USP50: variants seen among roughly 807,000 people sequenced by gnomAD.
USP50 encodes the protein ubiquitin carboxyl-terminal hydrolase 50.
In USP50, 37 loss-of-function variants were observed where a neutral mutation model predicts 39.2. That is an observed-to-expected ratio of 0.94 (90% CI 0.73 to 1.24). USP50 has a LOEUF of 1.24. Ranked by LOEUF, USP50 falls within the 50% of genes most tolerant of loss-of-function variation. USP50 has a pLI of 0.00. For missense variants in USP50, 374 were observed against 398.2 expected (o/e 0.94, Z 0.52); for synonymous variants, 139 against 144.5 (o/e 0.96, Z 0.27).
chr15:50,500,134 A>G (rs2052555966), downstream of USP50: 1 of 152,286 alleles, frequency 6.6e-6, no homozygotes, highest in Admixed American at 6.5e-5. Context: ...GACCACCATT[A>G]GCAGGCTCTC....
Position 50,500,829 on chromosome 15 carries a change from A to G in USP50, c.945T>C (p.Phe315=), listed in dbSNP as rs1436659861. 1.6e-5 allele frequency: 25 copies of G among 1,581,120 alleles called. No homozygotes were observed. Among genetic ancestry groups the G allele is most frequent in the Non-Finnish European group, 2.1e-5 (24 of 1,162,706 alleles). ...TGTAGTGGCCACCATCCAAATCACC[A>G]AAATGGTTCTATGGGAGAAAGGAAT... ...KYNLCAVVNH[F]GDLDGGHYTA... Residue 315 remains phenylalanine, a synonymous_variant, in exon 7 of 7, where the codon TTT becomes TTC. Coordinates refer to ENST00000532404, the MANE Select transcript of USP50 (RefSeq NM_203494.5).
In USP50 at chr15:50,500,816, C is replaced by T. The variant is rs1234258979; in HGVS notation, c.958G>A (p.Gly320Ser). 1 of 1,585,784 alleles carries T rather than the reference C, an allele frequency of 6.3e-7. No homozygotes were observed. ...AVVNHFGDLD[G>S]GHYTAFCKNS... ...TTGCAGAAAGCAGTGTAGTGGCCAC[C>T]ATCCAAATCACCAAAATGGTTCTAT... The change falls in exon 7 of 7, where the codon GGT becomes AGT. Residue 320 changes from glycine to serine, a missense_variant. Transcript: ENST00000532404.
chr15:50,531,082 T>G (rs1443423296), intron 5 of USP50, among the ~76,000 whole-genome samples: 1 of 152,168 alleles, frequency 6.6e-6, no homozygotes, highest in Non-Finnish European at 1.5e-5. Context: ...TATGTTCATT[T>G]TGGAAAAATG....
At chr15:50,533,693 C>T (rs2052958974) in intron 5 of USP50, among the ~76,000 whole-genome samples, 1 of 152,144 alleles carries the variant, frequency 6.6e-6, no homozygotes, top group East Asian at 1.9e-4. Context: ...TGCCAGTAGA[C>T]CTGCCTTGCA....
chr15:50,501,960 A>T (rs751959110), intron 6 of USP50: 4 of 152,218 alleles, frequency 2.6e-5, no homozygotes, highest in Non-Finnish European at 4.4e-5. Flanking sequence ...TACACTTTTC[A>T]GTGGCTGCTT....
chr15:50,527,681 G>A (rs920514783), intron 6 of USP50, among the ~76,000 whole-genome samples: 26 of 150,872 alleles, frequency 1.7e-4, no homozygotes, highest in African/African-American at 6.3e-4. Flanking sequence ...ACTCGCTCAG[G>A]CTAGAGTACA....
chr15:50,525,656 G>GTATATATATGTATAT (rs1212569675), intron 6 of USP50, among the ~76,000 whole-genome samples: 1 of 75,526 alleles, frequency 1.3e-5, no homozygotes, highest in African/African-American at 4.8e-5. Context: ...ATATGTATAT[G>GTATATATATGTATAT]TATATATGTA....
downstream of USP50, chr15:50,496,146 A>G (rs947896450): frequency 1.0e-5 from 14 of 1,339,058 alleles, no homozygotes; most frequent in Non-Finnish European, 1.2e-5. Context: ...TTATGGATAT[A>G]GAGATGTAAA....
At chr15:50,525,706 TG>T (rs1229866811) in intron 6 of USP50, among the ~76,000 whole-genome samples, 79 of 67,082 alleles carry the variant, frequency 1.2e-3, no homozygotes, top group East Asian at 4.9e-3. Flanking sequence ...TGTATATATA[TG>T]TATATATGTA....
intron 6 of USP50, chr15:50,501,515 T>A (rs2052588347): frequency 6.6e-6 from 1 of 151,888 alleles, no homozygotes; most frequent in Non-Finnish European, 1.5e-5. Flanking sequence ...TCTTTTTTTT[T>A]TTTTTAAAGT....
intron 5 of USP50, among the ~76,000 whole-genome samples, chr15:50,533,737 T>C (rs1357960215): frequency 1.3e-5 from 2 of 152,180 alleles, no homozygotes; most frequent in East Asian, 3.8e-4. Flanking sequence ...CGGTGGCTCA[T>C]GCCTGTAATC....
chr15:50,539,054 T>C (rs2053007107), intron 4 of USP50, among the ~76,000 whole-genome samples: 1 of 152,066 alleles, frequency 6.6e-6, no homozygotes, highest in African/African-American at 2.4e-5. Flanking sequence ...TTCTTGTTAC[T>C]GAGATGGATT....
chr15:50,493,505 C>T (rs907523111), downstream of USP50: 1 of 518,312 alleles, frequency 1.9e-6, no homozygotes, highest in African/African-American at 1.9e-5. Context: ...GTAATCCTAG[C>T]ACTTTGGGAG....
chr15:50,544,749 G>A lies in USP50; in HGVS notation c.86C>T (p.Pro29Leu). ...CTGGTTCCCATCAGCCTCCTTAACT[G>A]GAAGGGTATCATAGTAATCTGTGCA... ...AECTDYYDTL[P>L]VKEADGNQPH... The change falls in exon 2 of 7, where the codon CCA (proline) becomes CTA (leucine). Residue 29 changes from proline to leucine, a missense_variant. By Grantham distance (98) the Pro-to-Leu change is moderately conservative (BLOSUM62 -3). Coordinates refer to ENST00000532404, the MANE Select transcript of USP50 (RefSeq NM_203494.5). The A allele has an allele frequency of 6.2e-7, 1 of 1,613,992 alleles. No individual in the cohort carries two copies. The highest frequency in any genetic ancestry group is 8.5e-7 in the Non-Finnish European group (1 of 1,179,894).
At position 50,500,901 on chromosome 15, in the gene USP50, T is replaced by C. The variant is rs3803374; in HGVS notation, c.937-64A>G. 1.1e-5 allele frequency: 14 copies of C among 1,279,588 alleles called. No individual in the cohort carries two copies. In the East Asian group the frequency reaches 3.3e-4, roughly 30 times the overall value. The allele number at this position is 1,279,588 out of a possible 1,614,324, so 79.3% of individuals were successfully genotyped here. ...TGAACACTAACTACTGGAACAGAAATGATAGGGCCAAGAGATGCTTTTTAA... is the reference window on the plus strand; with the variant it reads ...TGAACACTAACTACTGGAACAGAAACGATAGGGCCAAGAGATGCTTTTTAA... On this transcript the variant is annotated intron_variant, in intron 6 of 6. Coordinates refer to ENST00000532404, the MANE Select transcript of USP50 (RefSeq NM_203494.5).
chr15:50,496,704 T>G (rs549640747), downstream of USP50, among the ~76,000 whole-genome samples: 38 of 152,328 alleles, frequency 2.5e-4, no homozygotes, highest in African/African-American at 9.1e-4. Flanking sequence ...TTCATAAGCA[T>G]TTGCTTTACA....
chr15:50,515,684 T>C (rs2052797077), intron 6 of USP50, among the ~76,000 whole-genome samples: 1 of 151,300 alleles, frequency 6.6e-6, no homozygotes, highest in Non-Finnish European at 1.5e-5. Flanking sequence ...TTAAACACTT[T>C]TAGCAAAAAC....
chr15:50,494,347 T>A (rs1307095078), intron 1 of USP50: 3 of 1,383,808 alleles, frequency 2.2e-6, no homozygotes, highest in Admixed American at 2.4e-5. Context: ...TGTATTTTTA[T>A]AGCAGTTTAA....
chr15:50,544,579 G>C lies in USP50; in HGVS notation c.248+8C>G. The C allele has an allele frequency of 6.2e-7, 1 of 1,610,608 alleles. No homozygotes were observed. ...GGGCTGGGCTGCAGGGAATGCAAAT[G>C]GTCTTACTTTTGCAGAGCGGTGATA... On this transcript the variant is annotated splice_region_variant and intron_variant, in intron 2 of 6. Coordinates refer to ENST00000532404, the MANE Select transcript of USP50 (RefSeq NM_203494.5).
Sources: allele counts gnomAD v4.1 joint callset (sites outside exome capture counted in the v4.1 genomes callset), GRCh38; gene constraint gnomAD v4.1.1; transcripts MANE v1.5; gene names NCBI Gene and HGNC (gene_info 2026-07-23, HGNC 2026-07-21).